Variants in PPP1R42 observed in about 807,000 individuals in gnomAD.
PPP1R42 encodes the protein leucine rich repeat containing 67.
A neutral mutation model predicts 31.0 loss-of-function variants in PPP1R42; 34 were observed. The observed-to-expected ratio is 1.10, with a 90% CI of 0.83 to 1.46. The LOEUF is 1.46. Among genes scored for constraint, PPP1R42 ranks in the 40% most tolerant of loss-of-function variants. The pLI is 0.00. For missense variants in PPP1R42, 268 were observed against 303.0 expected (o/e 0.88, Z 0.86); for synonymous variants, 103 against 109.8 (o/e 0.94, Z 0.39).
intron 5 of PPP1R42, among the ~76,000 whole-genome samples, chr8:67,000,683 C>T (rs544982895): frequency 1.3e-5 from 2 of 152,286 alleles, no homozygotes; most frequent in East Asian, 3.9e-4. Flanking sequence ...GTCTTGAACT[C>T]CTGGGTTCAA....
At chr8:67,007,464 C>T (rs1188071314) in intron 5 of PPP1R42, among the ~76,000 whole-genome samples, 1 of 151,960 alleles carries the variant, frequency 6.6e-6, no homozygotes, top group Non-Finnish European at 1.5e-5. Flanking sequence ...TGGGTTCAAG[C>T]AATTCTGCTT....
At chr8:66,971,281 C>A in intron 7 of PPP1R42, 1 of 539,904 alleles carries the variant, frequency 1.9e-6, no homozygotes, top group Non-Finnish European at 2.9e-6. Flanking sequence ...AAATTAATAA[C>A]CCGAGGAAAA....
intron 3 of PPP1R42, among the ~76,000 whole-genome samples, 165 bp from the exon 4 acceptor site, chr8:67,013,261 C>G (rs939973664): frequency 1.3e-5 from 2 of 151,920 alleles, no homozygotes; most frequent in Non-Finnish European, 2.9e-5. Context: ...TAAATGAGAA[C>G]AAATTATATT....
At chr8:66,986,175 C>T in intron 6 of PPP1R42, 1 of 609,686 alleles carries the variant, frequency 1.6e-6, no homozygotes, top group Admixed American at 2.1e-5. Context: ...TTTTCACTGT[C>T]TTCTCACCCA....
At chr8:67,003,796 G>C (rs1815583830) in intron 5 of PPP1R42, among the ~76,000 whole-genome samples, 1 of 152,108 alleles carries the variant, frequency 6.6e-6, no homozygotes, top group South Asian at 2.1e-4. Context: ...AGTATTAAGA[G>C]ATAGGCCTTT....
chr8:67,002,844 A>G (rs572221802), intron 5 of PPP1R42, among the ~76,000 whole-genome samples: 3 of 151,094 alleles, frequency 2.0e-5, no homozygotes, highest in South Asian at 2.1e-4. Flanking sequence ...ATCCTATCCA[A>G]TGAATTTTTT....
Position 66,986,900 on chromosome 8 carries a change from A to G in PPP1R42, c.670+1500T>C, listed in dbSNP as rs576932653. On this transcript the variant is annotated intron_variant, in intron 6 of 7. Coordinates refer to ENST00000685739, the MANE Select transcript of PPP1R42 (RefSeq NM_001364910.1). Reference sequence around the variant, plus strand: ...TGGCGTCAGGCTGGGCCGGTGGCTCATGTTTGTAATCCCAGCACTTTGGGA... The same window carrying G: ...TGGCGTCAGGCTGGGCCGGTGGCTCGTGTTTGTAATCCCAGCACTTTGGGA... Among the ~76,000 whole-genome samples, 5 of 152,242 alleles carry G rather than the reference A, an allele frequency of 3.3e-5. No individual in the cohort carries two copies. The South Asian group carries it at 6.2e-4, about 19-fold the overall frequency.
chr8:66,998,676 T>G (rs1308163909), intron 5 of PPP1R42, among the ~76,000 whole-genome samples: 1 of 152,246 alleles, frequency 6.6e-6, no homozygotes, highest in Non-Finnish European at 1.5e-5. Flanking sequence ...TATGTTGTTA[T>G]GTAGATTTTA....
intron 7 of PPP1R42, among the ~76,000 whole-genome samples, chr8:66,980,935 C>T (rs1463133179): frequency 2.0e-5 from 3 of 151,472 alleles, no homozygotes; most frequent in Non-Finnish European, 4.4e-5. Context: ...CTCCACCTCC[C>T]GGGTTCAAGT....
At chr8:67,008,645 T>C (rs1228213265) in intron 5 of PPP1R42, among the ~76,000 whole-genome samples, 2 of 144,526 alleles carry the variant, frequency 1.4e-5, no homozygotes, top group Non-Finnish European at 3.0e-5. Flanking sequence ...GTGGTGAAGG[T>C]GGCAGTGAGC....
At chr8:66,966,621 T>TA (rs556607924) in intron 7 of PPP1R42, among the ~76,000 whole-genome samples, 50 of 151,922 alleles carry the variant, frequency 3.3e-4, no homozygotes, top group African/African-American at 1.2e-3. Context: ...CCATCTCTAC[T>TA]AAAAACACAA....
chr8:66,983,532 A>G (rs1398399842), intron 6 of PPP1R42, among the ~76,000 whole-genome samples: 1 of 152,052 alleles, frequency 6.6e-6, no homozygotes, highest in Non-Finnish European at 1.5e-5. Flanking sequence ...TATGTATAGT[A>G]GTTTTGAAAA....
At chr8:66,975,030 AT>A (rs1290624950) in intron 7 of PPP1R42, among the ~76,000 whole-genome samples, 1 of 152,192 alleles carries the variant, frequency 6.6e-6, no homozygotes, top group African/African-American at 2.4e-5. Context: ...AAAAAATGCA[AT>A]TGGGATTTTG....
chr8:67,018,113 T>C (rs1443461403), intron 1 of PPP1R42, among the ~76,000 whole-genome samples: 2 of 151,154 alleles, frequency 1.3e-5, no homozygotes, highest in African/African-American at 2.4e-5. Context: ...GTATCTTTTT[T>C]TCTTTTCTTT....
intron 4 of PPP1R42, among the ~76,000 whole-genome samples, chr8:67,012,719 T>TTC (rs1200982022): frequency 5.9e-5 from 9 of 152,246 alleles, no homozygotes; most frequent in Admixed American, 2.6e-4. Context: ...CCTTTTCACA[T>TTC]TCTTCTTTTC....
At chr8:66,974,772 C>A (rs959050349) in intron 7 of PPP1R42, among the ~76,000 whole-genome samples, 1 of 152,184 alleles carries the variant, frequency 6.6e-6, no homozygotes, top group African/African-American at 2.4e-5. Flanking sequence ...ATTCTAGGCA[C>A]CTTGTCAAAG....
At chr8:67,004,095 A>C (rs1013309814) in intron 5 of PPP1R42, among the ~76,000 whole-genome samples, 1 of 152,148 alleles carries the variant, frequency 6.6e-6, no homozygotes, top group Non-Finnish European at 1.5e-5. Context: ...GTCTCAAAAA[A>C]AAAAAAAAAG....
In PPP1R42 at chr8:66,990,277, A is replaced by G. The variant is rs572684827; in HGVS notation, c.553-1760T>C. Among the ~76,000 whole-genome samples the G allele has an allele frequency of 4.6e-5, 7 of 151,944 alleles. No individual in the cohort carries two copies. The South Asian group carries it at 1.5e-3, about 32-fold the overall frequency. On this transcript the variant is annotated intron_variant, in intron 5 of 7. Transcript: ENST00000685739. ...ATGCCCATCATCTAAAAGTTAATAC[A>G]AACACTTAGAGAACGTTAAATTAAT...
intron 7 of PPP1R42, among the ~76,000 whole-genome samples, chr8:66,977,041 T>C (rs557124802): frequency 2.9e-3 from 433 of 151,598 alleles, no homozygotes; most frequent in Middle Eastern, 0.014. Flanking sequence ...GTTTTGCTTT[T>C]TTTTTTTTTT....
Sources: allele counts gnomAD v4.1 joint callset (sites outside exome capture counted in the v4.1 genomes callset), GRCh38; gene constraint gnomAD v4.1.1; transcripts MANE v1.5; gene names NCBI Gene and HGNC (gene_info 2026-07-23, HGNC 2026-07-21).